PRDM1: variants seen among roughly 807,000 people sequenced by gnomAD.
PRDM1 encodes PR domain zinc finger protein 1.
A neutral mutation model predicts 62.8 loss-of-function variants in PRDM1; 13 were observed. That is an observed-to-expected ratio of 0.21 (90% CI 0.13 to 0.33). The LOEUF is 0.33. Ranked by LOEUF, PRDM1 falls within the 10% of genes least tolerant of loss-of-function variation. PRDM1 has a pLI of 1.00. For synonymous variants in PRDM1, 396 were observed against 417.6 expected (o/e 0.95, Z 0.63); for missense variants, 895 against 1,058.8 (o/e 0.85, Z 2.15).
intron 1 of PRDM1, among the ~76,000 whole-genome samples, chr6:106,041,307 G>T (rs1772990787): frequency 6.6e-6 from 1 of 152,092 alleles, no homozygotes; most frequent in Non-Finnish European, 1.5e-5. Context: ...TTGTTCAAAG[G>T]TTAGTATTTT....
rs750185811 is a variant in PRDM1 at position 106,105,962 on chromosome 6, G to A, written c.1773+29G>A. 3 of 1,588,770 alleles carry A rather than the reference G, an allele frequency of 1.9e-6. No individual in the cohort carries two copies. The East Asian group carries it at 6.7e-5, about 36-fold the overall frequency. The stretch of plus-strand genomic sequence containing the variant: ...GGCCTTGAGAGAGAGCAGTCCAAGG[G>A]GCTGTGAGTGCATGCTTGTGTTTGT... On this transcript the variant is annotated intron_variant, in intron 5 of 6. Coordinates refer to ENST00000369096, the MANE Select transcript of PRDM1 (RefSeq NM_001198.4).
upstream of PRDM1, among the ~76,000 whole-genome samples, chr6:106,082,975 CTCT>C (rs1773718097): frequency 6.6e-6 from 1 of 152,088 alleles, no homozygotes; most frequent in South Asian, 2.1e-4. Flanking sequence ...CACATACTCG[CTCT>C]TCTTGTCCGG....
chr6:106,098,645 C>G, intron 3 of PRDM1: 1 of 1,336,574 alleles, frequency 7.5e-7, no homozygotes, highest in Non-Finnish European at 9.9e-7. Context: ...CTGTCAAATT[C>G]GGGCTGCTGC....
chr6:106,060,913 C>T (rs542203085), intron 1 of PRDM1, among the ~76,000 whole-genome samples: 1 of 151,956 alleles, frequency 6.6e-6, no homozygotes, highest in South Asian at 2.1e-4. Flanking sequence ...CTTCCGTCAT[C>T]AAGGGGGATA....
chr6:106,032,878 C>T (rs1258191657), intron 1 of PRDM1, among the ~76,000 whole-genome samples: 1 of 152,224 alleles, frequency 6.6e-6, no homozygotes, highest in Non-Finnish European at 1.5e-5. Flanking sequence ...CCCTTCCACT[C>T]ATTAAGTTAC....
intron 3 of PRDM1, chr6:106,096,015 T>C (rs1774106795): frequency 6.3e-6 from 2 of 318,392 alleles, no homozygotes; most frequent in Admixed American, 4.3e-5. Context: ...TGTTGCTTGC[T>C]TTAAGGATAG....
chr6:106,063,275 T>C (rs1274178493), intron 1 of PRDM1, among the ~76,000 whole-genome samples: 3 of 152,214 alleles, frequency 2.0e-5, no homozygotes, highest in African/African-American at 7.2e-5. Context: ...GTAGAGCAGA[T>C]AATCTCAGCA....
intron 1 of PRDM1, among the ~76,000 whole-genome samples, chr6:106,022,669 C>T (rs528264871): frequency 1.3e-4 from 20 of 152,174 alleles, no homozygotes; most frequent in African/African-American, 4.8e-4. Flanking sequence ...AAGTGATCTG[C>T]CCACCTCGGC....
intron 1 of PRDM1, among the ~76,000 whole-genome samples, chr6:106,031,125 G>T (rs1284931376): frequency 6.6e-6 from 1 of 151,868 alleles, no homozygotes; most frequent in Admixed American, 6.6e-5. Flanking sequence ...TGGCATTCTG[G>T]TAAGTTTATT....
rs2114656364 is a variant in PRDM1, at chr6:106,105,593, T to G, written c.1433T>G (p.Leu478Trp). The G allele has an allele frequency of 6.2e-7, 1 of 1,613,210 alleles. No individual in the cohort carries two copies. The highest frequency in any genetic ancestry group is 8.5e-7 in the Non-Finnish European group (1 of 1,179,340). Residue 478 changes from leucine to tryptophan, a missense_variant, in exon 5 of 7, where the codon TTG (leucine) becomes TGG (tryptophan). By Grantham distance (61) the Leu-to-Trp change is moderately conservative. Coordinates refer to ENST00000369096, the MANE Select transcript of PRDM1 (RefSeq NM_001198.4). ...CTGCCCTCAGATGGAGCCCGGAGGT[T>G]GCTCCAGCCGGAGCATCCCAGGGAG... ...SSLPSDGARR[L>W]LQPEHPREVL...
intron 4 of PRDM1, chr6:106,100,625 G>T (rs1774239325): frequency 6.6e-6 from 1 of 152,192 alleles, no homozygotes; most frequent in African/African-American, 2.4e-5. Flanking sequence ...TAGGACCAAT[G>T]AACAAGCCAA....
chr6:106,038,204 C>G (rs147736218), intron 1 of PRDM1, among the ~76,000 whole-genome samples: 2 of 151,650 alleles, frequency 1.3e-5, no homozygotes, highest in Non-Finnish European at 2.9e-5. Context: ...AGGCTGGTTT[C>G]GAACTACTGA....
At chr6:106,077,356 G>C (rs1773620189) in intron 1 of PRDM1, among the ~76,000 whole-genome samples, 1 of 152,212 alleles carries the variant, frequency 6.6e-6, no homozygotes, top group Non-Finnish European at 1.5e-5. Flanking sequence ...AGACCACAGA[G>C]ACAGATCATT....
chr6:106,070,191 C>A (rs79101873), intron 1 of PRDM1, among the ~76,000 whole-genome samples: 6,346 of 152,244 alleles, frequency 0.042, 224 homozygotes, highest in African/African-American at 0.099. Context: ...CTGCTGACTT[C>A]ATTAAGACTA....
rs573452544 is a variant in PRDM1 at position 106,014,029 on chromosome 6, C to T, written c.-67+20390C>T. Reference sequence around the variant, plus strand: ...ACTTCTTTACTGTCTGTCTCTCCAACCAGAATGCTAACTCTATGAGGACAA... The same window carrying T: ...ACTTCTTTACTGTCTGTCTCTCCAATCAGAATGCTAACTCTATGAGGACAA... On this transcript the variant is annotated intron_variant, in intron 1 of 6. Transcript: ENST00000652320. Among the ~76,000 whole-genome samples the T allele has an allele frequency of 1.3e-3, 199 of 151,602 alleles. 1 individual carries two copies. Among genetic ancestry groups the T allele is most frequent in the Middle Eastern group, 0.01 (3 of 294 alleles).
At chr6:106,022,378 T>C (rs1247567306) in intron 1 of PRDM1, among the ~76,000 whole-genome samples, 1 of 151,612 alleles carries the variant, frequency 6.6e-6, no homozygotes, top group Non-Finnish European at 1.5e-5. Context: ...TGCCTTAGCC[T>C]CTTGAGTAGC....
intron 1 of PRDM1, among the ~76,000 whole-genome samples, chr6:106,059,394 CTTGT>C (rs1036716992): frequency 2.0e-5 from 3 of 152,066 alleles, no homozygotes; most frequent in African/African-American, 7.2e-5. Flanking sequence ...TGGGAATGTG[CTTGT>C]TTGTCAAAGA....
intron 1 of PRDM1, among the ~76,000 whole-genome samples, chr6:106,070,156 T>C (rs1422942950): frequency 6.6e-6 from 1 of 152,224 alleles, no homozygotes; most frequent in Admixed American, 6.5e-5. Flanking sequence ...ATGGGGATTA[T>C]AGTTAATTGA....
chr6:106,052,947 A>G (rs1341619440), intron 1 of PRDM1, among the ~76,000 whole-genome samples: 1 of 152,104 alleles, frequency 6.6e-6, no homozygotes, highest in Non-Finnish European at 1.5e-5. Context: ...AGCCTGTACA[A>G]CAGAGTGAGA....
Sources: allele counts gnomAD v4.1 joint callset (sites outside exome capture counted in the v4.1 genomes callset), GRCh38; gene constraint gnomAD v4.1.1; transcripts MANE v1.5; gene names NCBI Gene and HGNC (gene_info 2026-07-23, HGNC 2026-07-21).